Variants in CCBE1 observed in about 807,000 individuals in gnomAD.
The protein encoded by CCBE1 is collagen and calcium-binding EGF domain-containing protein 1.
A neutral mutation model predicts 50.0 loss-of-function variants in CCBE1; 37 were observed. The observed-to-expected ratio is 0.74, with a 90% confidence interval of 0.57 to 0.97. The LOEUF (loss-of-function observed/expected upper bound fraction) is 0.97, where lower values mean the gene tolerates loss of function less well. CCBE1 is among the 50% of genes least tolerant of loss of function. The pLI is 0.00. For missense variants in CCBE1, 538 were observed against 523.8 expected (o/e 1.03, Z -0.26); for synonymous variants, 234 against 203.7 (o/e 1.15, Z -1.27).
intron 2 of CCBE1, among the ~76,000 whole-genome samples, chr18:59,616,244 T>C (rs988704968): frequency 6.6e-6 from 1 of 152,050 alleles, no homozygotes; most frequent in Non-Finnish European, 1.5e-5. Context: ...ATGACCGCTT[T>C]AGGGAATGCT....
At position 59,683,112 on chromosome 18, in the gene CCBE1, C is replaced by G. The variant is rs570170153; in HGVS notation, c.212+13517G>C. ...TAGAAGAATAAAAGTGCTTTCCCCT[C>G]ATCATGAAGGCAGTTTCTTTTGGGA... On this transcript the variant is annotated intron_variant, in intron 2 of 10. Coordinates refer to ENST00000439986, the MANE Select transcript of CCBE1 (RefSeq NM_133459.4). 1.1e-4 allele frequency among the ~76,000 whole-genome samples: 16 copies of G among 152,332 alleles called. No homozygotes were observed. In the South Asian group the frequency reaches 1.7e-3, roughly 16 times the overall value.
chr18:59,447,753 A>G (rs1482503859), intron 7 of CCBE1, among the ~76,000 whole-genome samples: 1 of 152,206 alleles, frequency 6.6e-6, no homozygotes, highest in East Asian at 1.9e-4. Flanking sequence ...ATCCAATCCC[A>G]GGACAATGAG....
At chr18:59,655,794 A>C (rs890800572) in intron 2 of CCBE1, among the ~76,000 whole-genome samples, 3 of 152,220 alleles carry the variant, frequency 2.0e-5, no homozygotes, top group African/African-American at 7.2e-5. Context: ...GCCCATCTGC[A>C]CATGAAGCCA....
chr18:59,535,495 T>C (rs1915211318), intron 2 of CCBE1, among the ~76,000 whole-genome samples: 1 of 152,170 alleles, frequency 6.6e-6, no homozygotes. Flanking sequence ...ATGCAATGCA[T>C]AGCCAAGGTC....
At chr18:59,616,045 C>T (rs2053632853) in intron 2 of CCBE1, among the ~76,000 whole-genome samples, 1 of 152,060 alleles carries the variant, frequency 6.6e-6, no homozygotes, top group Admixed American at 6.5e-5. Context: ...GTTACAGATC[C>T]TATGTGATGG....
chr18:59,542,141 C>T lies in CCBE1; in HGVS notation c.213-61903G>A, dbSNP rs1249645000. ...GTGAGCTGTGAGTGTGCCACTGCAC[C>T]CCAGCCTAAGTGACAGAGTGAGATC... On this transcript the variant is annotated intron_variant, in intron 2 of 10. Coordinates refer to ENST00000439986, the MANE Select transcript of CCBE1 (RefSeq NM_133459.4). Among the ~76,000 whole-genome samples the T allele has an allele frequency of 2.0e-5, 3 of 149,614 alleles. No homozygotes were observed. In the East Asian group the frequency reaches 5.9e-4, roughly 29 times the overall value.
At chr18:59,543,313 T>A (rs1915541528) in intron 2 of CCBE1, among the ~76,000 whole-genome samples, 1 of 152,250 alleles carries the variant, frequency 6.6e-6, no homozygotes, top group African/African-American at 2.4e-5. Context: ...AAACATTCAT[T>A]AAATATTATT....
intron 2 of CCBE1, among the ~76,000 whole-genome samples, chr18:59,686,702 C>T (rs1412411645): frequency 4.6e-5 from 7 of 152,092 alleles, no homozygotes; most frequent in African/African-American, 1.2e-4. Context: ...CCTTTCCTTC[C>T]CCACTTCCTC....
intron 2 of CCBE1, among the ~76,000 whole-genome samples, chr18:59,503,956 G>A (rs190945522): frequency 4.2e-4 from 64 of 152,274 alleles, no homozygotes; most frequent in Admixed American, 1.5e-3. Flanking sequence ...TTGTTTACGT[G>A]TTTGTCTTTC....
At chr18:59,672,879 T>C (rs2054453619) in intron 2 of CCBE1, among the ~76,000 whole-genome samples, 1 of 152,044 alleles carries the variant, frequency 6.6e-6, no homozygotes, top group Admixed American at 6.6e-5. Context: ...GAGTGAGGGA[T>C]AAAAGACTAC....
intron 2 of CCBE1, among the ~76,000 whole-genome samples, chr18:59,574,322 T>C (rs977020251): frequency 6.6e-6 from 1 of 152,188 alleles, no homozygotes; most frequent in Non-Finnish European, 1.5e-5. Context: ...ATAATTTAGT[T>C]GAAAGAAACT....
chr18:59,666,831 G>T (rs993803913), intron 2 of CCBE1, among the ~76,000 whole-genome samples: 6 of 152,120 alleles, frequency 3.9e-5, no homozygotes, highest in Non-Finnish European at 7.4e-5. Flanking sequence ...TGGGTGTGGT[G>T]GTGCGTGCCT....
chr18:59,682,792 A>G (rs576680069), intron 2 of CCBE1, among the ~76,000 whole-genome samples: 3 of 152,392 alleles, frequency 2.0e-5, no homozygotes, highest in African/African-American at 7.2e-5. Context: ...AAAGGGTGAA[A>G]TTGGATGACC....
chr18:59,625,818 T>C (rs2053776172), intron 2 of CCBE1, among the ~76,000 whole-genome samples: 1 of 152,124 alleles, frequency 6.6e-6, no homozygotes. Context: ...GTGGGGTCTT[T>C]GGGGTGGTGA....
At chr18:59,545,145 T>A (rs1202762378) in intron 2 of CCBE1, among the ~76,000 whole-genome samples, 1 of 152,198 alleles carries the variant, frequency 6.6e-6, no homozygotes, top group African/African-American at 2.4e-5. Context: ...CATGAGCAGA[T>A]CTTCAGGTAT....
At chr18:59,500,659 G>C (rs955645874) in intron 2 of CCBE1, among the ~76,000 whole-genome samples, 4 of 152,178 alleles carry the variant, frequency 2.6e-5, no homozygotes, top group African/African-American at 9.7e-5. Context: ...TGTCCCTGGA[G>C]GGTTTGTGGT....
At chr18:59,443,074 G>A (rs1568141392) in intron 7 of CCBE1, among the ~76,000 whole-genome samples, 1 of 152,158 alleles carries the variant, frequency 6.6e-6, no homozygotes, top group African/African-American at 2.4e-5. Flanking sequence ...CAAGTCATCT[G>A]CTCTTGTGTC....
At chr18:59,457,572 A>T (rs1057340068) in intron 5 of CCBE1, among the ~76,000 whole-genome samples, 2 of 152,168 alleles carry the variant, frequency 1.3e-5, no homozygotes, top group African/African-American at 2.4e-5. Context: ...GATGCCCAGC[A>T]GTTTTCAGGC....
intron 2 of CCBE1, among the ~76,000 whole-genome samples, chr18:59,695,257 G>A (rs539494399): frequency 2.6e-5 from 4 of 152,300 alleles, no homozygotes; most frequent in South Asian, 4.1e-4. Context: ...CACTGTGGTC[G>A]TGTGGATGAA....
Sources: gnomAD v4.1 joint callset for allele counts (sites outside exome capture counted in the v4.1 genomes callset) on GRCh38, gnomAD v4.1.1 for gene constraint, MANE v1.5 for transcripts, NCBI Gene and HGNC (gene_info 2026-07-23, HGNC 2026-07-21) for gene names.